Variants in TTLL11 observed in about 807,000 individuals in gnomAD.
The protein encoded by TTLL11 is tubulin polyglutamylase TTLL11.
In TTLL11, 42 loss-of-function variants were observed where a neutral mutation model predicts 51.7. The observed-to-expected ratio is 0.81, with a 90% CI of 0.64 to 1.05. TTLL11 has a LOEUF of 1.05. Among genes scored for constraint, TTLL11 ranks in the 50% least tolerant of loss-of-function variants. The pLI is 0.00. For synonymous variants in TTLL11, 381 were observed against 383.5 expected (o/e 0.99, Z 0.08); for missense variants, 799 against 940.4 (o/e 0.85, Z 1.97).
chr9:121,843,084 C>T (rs545464462), intron 8 of TTLL11, among the ~76,000 whole-genome samples: 2 of 152,116 alleles, frequency 1.3e-5, no homozygotes, highest in East Asian at 1.9e-4. Context: ...TACCTGTAAT[C>T]CCAGCACTAT....
chr9:122,016,183 G>C (rs929774489), intron 3 of TTLL11, among the ~76,000 whole-genome samples: 1 of 152,160 alleles, frequency 6.6e-6, no homozygotes, highest in African/African-American at 2.4e-5. Context: ...AGTGGCAGTG[G>C]GGTGCAAAGA....
rs544868538 is a variant in TTLL11, at chr9:122,084,421, T to A, written c.462+8266A>T. 5.3e-5 allele frequency among the ~76,000 whole-genome samples: 8 copies of A among 152,172 alleles called. No individual in the cohort carries two copies. The East Asian group carries it at 1.5e-3, about 29-fold the overall frequency. On this transcript the variant is annotated intron_variant, in intron 1 of 8. Transcript: ENST00000321582. ...AGCGGCAGCAGCTGGCAAGGCACAATTTGATACGAGGAGGAAGGAGAGATG... is the reference window on the plus strand; with the variant it reads ...AGCGGCAGCAGCTGGCAAGGCACAAATTGATACGAGGAGGAAGGAGAGATG...
intron 3 of TTLL11, among the ~76,000 whole-genome samples, chr9:122,000,402 G>A (rs1469846891): frequency 6.8e-6 from 1 of 147,700 alleles, no homozygotes; most frequent in Admixed American, 6.8e-5. Context: ...AACCCAGTAG[G>A]CGGAGCTTGC....
intron 6 of TTLL11, among the ~76,000 whole-genome samples, chr9:121,972,530 G>C (rs923535394): frequency 6.6e-6 from 1 of 152,254 alleles, no homozygotes; most frequent in African/African-American, 2.4e-5. Context: ...ATTCTCAGCC[G>C]AGTCTTGCCA....
intron 3 of TTLL11, among the ~76,000 whole-genome samples, chr9:122,030,205 G>GCT (rs969379071): frequency 7.9e-6 from 1 of 126,198 alleles, no homozygotes; most frequent in African/African-American, 3.5e-5. Context: ...GAGACATTGG[G>GCT]GGGGGGGGGG....
chr9:122,063,332 A>G (rs1015766461), intron 1 of TTLL11, among the ~76,000 whole-genome samples: 1 of 152,232 alleles, frequency 6.6e-6, no homozygotes, highest in African/African-American at 2.4e-5. Flanking sequence ...TCCATATATG[A>G]TAACATCAGA....
At chr9:121,963,389 A>G (rs557539369) in intron 6 of TTLL11, among the ~76,000 whole-genome samples, 1 of 152,284 alleles carries the variant, frequency 6.6e-6, no homozygotes, top group African/African-American at 2.4e-5. Flanking sequence ...TGGGCTAACA[A>G]CTGCTGATTC....
chr9:121,931,861 C>G (rs1840996931), intron 6 of TTLL11, among the ~76,000 whole-genome samples: 1 of 152,126 alleles, frequency 6.6e-6, no homozygotes, highest in Non-Finnish European at 1.5e-5. Context: ...CCTCTCGCCC[C>G]ATCTTCCTTC....
At chr9:121,955,533 C>T (rs1841992625) in intron 6 of TTLL11, among the ~76,000 whole-genome samples, 1 of 152,184 alleles carries the variant, frequency 6.6e-6, no homozygotes, top group Non-Finnish European at 1.5e-5. Flanking sequence ...GTGGCTATTA[C>T]TGTGAGTCAC....
chr9:121,848,549 G>A (rs1056513784), intron 8 of TTLL11, among the ~76,000 whole-genome samples: 8 of 152,124 alleles, frequency 5.3e-5, no homozygotes, highest in Non-Finnish European at 8.8e-5. Flanking sequence ...ACTATAGTAT[G>A]TTTGAAGGAT....
intron 6 of TTLL11, among the ~76,000 whole-genome samples, chr9:121,944,577 T>C (rs986510481): frequency 2.0e-5 from 3 of 152,334 alleles, no homozygotes; most frequent in African/African-American, 4.8e-5. Context: ...GTTTAATACA[T>C]AATATACTTA....
chr9:122,078,438 G>C (rs1845914815), intron 1 of TTLL11, among the ~76,000 whole-genome samples: 1 of 152,148 alleles, frequency 6.6e-6, no homozygotes, highest in South Asian at 2.1e-4. Context: ...CAAACAAAGG[G>C]AGGGAGCATT....
chr9:121,931,359 A>C (rs16911123), intron 6 of TTLL11, among the ~76,000 whole-genome samples: 12,690 of 152,286 alleles, frequency 0.083, 829 homozygotes, highest in African/African-American at 0.18. Flanking sequence ...TTAGCTGCGC[A>C]GTGACTAGAC....
intron 4 of TTLL11, among the ~76,000 whole-genome samples, chr9:121,987,890 G>C (rs1305799130): frequency 6.6e-6 from 1 of 151,810 alleles, no homozygotes; most frequent in Non-Finnish European, 1.5e-5. Flanking sequence ...CCCCAACCCA[G>C]GCCTCTGTCT....
intron 8 of TTLL11, among the ~76,000 whole-genome samples, chr9:121,839,484 G>T (rs1837288807): frequency 6.6e-6 from 1 of 152,186 alleles, no homozygotes; most frequent in South Asian, 2.1e-4. Flanking sequence ...GCCCGGCTCT[G>T]GGGGGCTCAG....
Position 121,822,561 on chromosome 9 carries a change from C to T in TTLL11, c.*26G>A, listed in dbSNP as rs1324660077. 7.7e-6 allele frequency: 11 copies of T among 1,425,912 alleles called. No individual in the cohort carries two copies. Among genetic ancestry groups the T allele is most frequent in the African/African-American group, 1.5e-5 (1 of 68,314 alleles). The allele number at this position is 1,425,912 out of a possible 1,614,324, so 88.3% of individuals were successfully genotyped here. On this transcript the variant is annotated 3_prime_UTR_variant, in exon 9 of 9. Transcript: ENST00000321582. This position sits in a 1 kb window ranked among gnomAD's most constrained non-coding sequence, Gnocchi z 5.8. ...AGCCCTGAAAGCTGCTCTCGTCTTC[C>T]GTTTTCCAGGAGGACAGAGTGGCCC... is the stretch of plus-strand genomic sequence containing the variant.
intron 8 of TTLL11, among the ~76,000 whole-genome samples, chr9:121,839,510 A>T (rs912506586): frequency 2.0e-5 from 3 of 152,202 alleles, no homozygotes; most frequent in Admixed American, 6.5e-5. Flanking sequence ...GAAAACAGAC[A>T]TAAGGGGCTG....
chr9:121,918,212 T>C (rs1840408405), intron 6 of TTLL11, among the ~76,000 whole-genome samples: 1 of 152,160 alleles, frequency 6.6e-6, no homozygotes, highest in Non-Finnish European at 1.5e-5. Context: ...TCCACATCTT[T>C]GGCAGAGGGC....
intron 3 of TTLL11, among the ~76,000 whole-genome samples, chr9:122,006,539 G>A (rs1322913590): frequency 6.6e-6 from 1 of 152,098 alleles, no homozygotes; most frequent in East Asian, 1.9e-4. Context: ...AAATATTAGA[G>A]AGACTATAAT....
Sources: gnomAD v4.1 joint callset for allele counts (sites outside exome capture counted in the v4.1 genomes callset) on GRCh38, gnomAD v4.1.1 for gene constraint, Gnocchi (gnomAD v3.1) non-coding constraint, MANE v1.5 for transcripts, NCBI Gene and HGNC (gene_info 2026-07-23, HGNC 2026-07-21) for gene names.